Variants in NUP188 observed in about 807,000 individuals in gnomAD.
NUP188 encodes nucleoporin NUP188.
In NUP188, 97 loss-of-function variants were observed where a neutral mutation model predicts 223.0. The observed-to-expected ratio is 0.43, with a 90% CI of 0.37 to 0.51. The LOEUF (loss-of-function observed/expected upper bound fraction) is 0.51, where lower values mean the gene tolerates loss of function less well. Ranked by LOEUF, NUP188 falls within the 20% of genes least tolerant of loss-of-function variation. The pLI is 0.00. For synonymous variants in NUP188, 869 were observed against 828.0 expected, an observed-to-expected ratio of 1.05 and a Z score of -0.85; for missense variants, 1,947 against 2,175.6, an observed-to-expected ratio of 0.89 and a Z score of 2.09.
At chr9:128,956,314 T>G in intron 3 of NUP188, 36 bp from the exon 4 acceptor site, 2 of 1,298,814 alleles carry the variant, frequency 1.5e-6, no homozygotes, top group Non-Finnish European at 2.1e-6. Flanking sequence ...AGTGGGCTAT[T>G]GAGAATGAAG....
At chr9:128,994,518 T>C in intron 28 of NUP188, 76 bp downstream of exon 28, 1 of 935,230 alleles carries the variant, frequency 1.1e-6, no homozygotes, top group South Asian at 1.4e-5. Context: ...GATGGGGCCG[T>C]AGACAATGAT....
rs771627788 is a variant in NUP188, at chr9:128,982,908, T to G, written c.1676T>G (p.Ile559Ser). Residue 559 changes from isoleucine to serine, a missense_variant, in exon 17 of 44, where the codon ATT becomes AGT. Ile to Ser is a moderately radical substitution (Grantham distance 142). Transcript: ENST00000372577. ...LLHVVSTADV[I>S]QHCQRVKPII... ...AGGCTGTCTTTCTTCTCAGATGTGATTCAGCACTGCCAGCGAGTCAAACCC... is the reference window on the plus strand; with the variant it reads ...AGGCTGTCTTTCTTCTCAGATGTGAGTCAGCACTGCCAGCGAGTCAAACCC... 1.3e-4 allele frequency: 203 copies of G among 1,614,064 alleles called. No homozygotes were observed. The highest frequency in any genetic ancestry group is 1.6e-4 in the Non-Finnish European group (194 of 1,180,026).
At chr9:128,979,368 G>A in intron 13 of NUP188, 41 bp downstream of exon 13, 1 of 1,420,982 alleles carries the variant, frequency 7.0e-7, no homozygotes, top group Non-Finnish European at 9.9e-7. Flanking sequence ...CAAAAGAATT[G>A]TTCAAACACT....
rs547573871 is a variant in NUP188, at chr9:129,003,602, G to C, written c.4434+148G>C. The C allele has an allele frequency of 6.3e-5, 57 of 905,304 alleles. No homozygotes were observed. In the Admixed American group the frequency reaches 8.8e-4, roughly 14 times the overall value. The allele number at this position is 905,304 out of a possible 1,614,324, so 56.1% of individuals were successfully genotyped here. ...GGGAGCACAGGGTTTGCTGTCATGT[G>C]CTTACTCTGGCTAAATGTTTCCTTC... On this transcript the variant is annotated intron_variant, in intron 38 of 43. Coordinates refer to ENST00000372577, the MANE Select transcript of NUP188 (RefSeq NM_015354.3).
Position 128,994,838 on chromosome 9 carries a change from G to C in NUP188, c.3088-18G>C, listed in dbSNP as rs1309956793. On this transcript the variant is annotated intron_variant, in intron 28 of 43. Transcript: ENST00000372577. ...GTGATCAGAGATGTGATAATTGCCTGTTCTGCTATCTCCACAGCCCAGCAT... is the reference window on the plus strand; with the variant it reads ...GTGATCAGAGATGTGATAATTGCCTCTTCTGCTATCTCCACAGCCCAGCAT... 1 of 1,608,688 alleles carries C rather than the reference G, an allele frequency of 6.2e-7. No individual in the cohort carries two copies. The highest frequency in any genetic ancestry group is 8.5e-7 in the Non-Finnish European group (1 of 1,175,234).
chr9:128,982,289 G>A (rs934084953), intron 15 of NUP188, among the ~76,000 whole-genome samples: 1 of 151,964 alleles, frequency 6.6e-6, no homozygotes, highest in Non-Finnish European at 1.5e-5. Flanking sequence ...AATTAGCCAG[G>A]AGTGGTGGTG....
chr9:128,973,240 C>A lies in NUP188; in HGVS notation c.1194C>A (p.Gly398=), dbSNP rs770890931. 3 of 1,612,522 alleles carry A rather than the reference C, an allele frequency of 1.9e-6. No individual in the cohort carries two copies. Among genetic ancestry groups the A allele is most frequent in the Non-Finnish European group, 2.5e-6 (3 of 1,179,596 alleles). ...CCTCGTTGGAGCTGCACACCCTGGGCAATCAGCAGGTCAGTGTCTGGCTTT... is the reference window on the plus strand; with the variant it reads ...CCTCGTTGGAGCTGCACACCCTGGGAAATCAGCAGGTCAGTGTCTGGCTTT... ...VLTSLELHTL[G]NQQDIIDTAC... The change falls in exon 12 of 44, where the codon GGC becomes GGA. Residue 398 remains glycine, a synonymous_variant. Coordinates refer to ENST00000372577, the MANE Select transcript of NUP188 (RefSeq NM_015354.3).
chr9:128,991,162 C>CTTTTTTTTTTTT (rs78549616), intron 25 of NUP188, among the ~76,000 whole-genome samples: 3 of 123,480 alleles, frequency 2.4e-5, no homozygotes, highest in African/African-American at 3.0e-5. Context: ...CTCCAGATTT[C>CTTTTTTTTTTTT]TTTTTTTTTT....
intron 1 of NUP188, chr9:128,947,982 C>T: frequency 2.6e-6 from 1 of 390,356 alleles, no homozygotes; most frequent in Admixed American, 4.4e-5. Flanking sequence ...CCTCCGCGCT[C>T]GGCCTCCCAT....
chr9:128,950,239 G>T (rs560211650), intron 2 of NUP188, among the ~76,000 whole-genome samples: 30 of 151,682 alleles, frequency 2.0e-4, no homozygotes, highest in South Asian at 8.3e-4. Context: ...TTTTGTTGTT[G>T]TTGAGACAGA....
At chr9:128,989,583 T>C (rs938350234) in intron 24 of NUP188, among the ~76,000 whole-genome samples, 149 of 150,534 alleles carry the variant, frequency 9.9e-4, no homozygotes, top group Non-Finnish European at 3.1e-4. Context: ...CCTGTAATCC[T>C]AGCACTTTGG....
intron 11 of NUP188, among the ~76,000 whole-genome samples, chr9:128,972,581 C>T (rs1842118479): frequency 6.6e-6 from 1 of 152,086 alleles, no homozygotes; most frequent in Non-Finnish European, 1.5e-5. Context: ...AAGAGTGACC[C>T]TTAGTGTAAA....
At chr9:128,971,042 G>C in intron 11 of NUP188, 84 bp downstream of exon 11, 2 of 1,041,332 alleles carry the variant, frequency 1.9e-6, no homozygotes, top group Non-Finnish European at 3.0e-6. Context: ...TGGTGGTGTG[G>C]ATAATGGGAT....
rs1193631566 is a variant in NUP188 at position 128,984,124 on chromosome 9, A to ATTTTTTTTTTTTT, written c.1961+581_1961+593dup. On this transcript the variant is annotated intron_variant, in intron 19 of 43. Transcript: ENST00000372577. ...GGCGTGAGCCACCGCGCCTGGCCTG[A>ATTTTTTTTTTTTT]TTTTTTTTTTTTTTTTTTTGAGATG... Among the ~76,000 whole-genome samples, 90 of 93,048 alleles carry ATTTTTTTTTTTTT rather than the reference A, an allele frequency of 9.7e-4. 17 individuals carry two copies. Among genetic ancestry groups the ATTTTTTTTTTTTT allele is most frequent in the African/African-American group, 5.0e-3 (85 of 16,966 alleles). The allele number at this position is 93,048 out of a possible 152,430, so 61.0% of individuals were successfully genotyped here.
At chr9:128,991,791 C>T (rs1394752444) in intron 25 of NUP188, among the ~76,000 whole-genome samples, 2 of 134,702 alleles carry the variant, frequency 1.5e-5, no homozygotes, top group Non-Finnish European at 3.1e-5. Flanking sequence ...TGCAGTGAGC[C>T]GAGTTCACAC....
intron 1 of NUP188, 91 bp from the exon 2 acceptor site, chr9:128,949,096 TGC>T: frequency 2.5e-6 from 2 of 810,026 alleles, no homozygotes; most frequent in Admixed American, 2.5e-5. Flanking sequence ...TGAGATTTTT[TGC>T]TTTTAGAGAG....
At chr9:128,948,760 C>T (rs1186613033) in intron 1 of NUP188, 1 of 113,944 alleles carries the variant, frequency 8.8e-6, no homozygotes, top group African/African-American at 3.2e-5. Flanking sequence ...GAGTCTCGCT[C>T]TGTCGCCCAG....
chr9:128,999,684 A>T lies in NUP188; in HGVS notation c.3722A>T (p.Glu1241Val). The change falls in exon 34 of 44, where the codon GAA becomes GTA. Residue 1241 changes from glutamate (E) to valine (V), a missense_variant. Glu to Val is a moderately radical substitution (Grantham distance 121). Transcript: ENST00000372577. The part of the protein sequence containing the change: ...VLNVCETLQE[E>V]VIALFDQTRH... ...AATGTCTGTGAGACCCTCCAAGAGG[A>T]AGTGATTGCACTCTTCGACCAGACC... 1 of 1,614,112 alleles carries T rather than the reference A, an allele frequency of 6.2e-7. No homozygotes were observed. Among genetic ancestry groups the T allele is most frequent in the Non-Finnish European group, 8.5e-7 (1 of 1,180,020 alleles).
At chr9:128,952,599 T>G (rs1841807318) in intron 2 of NUP188, among the ~76,000 whole-genome samples, 174 bp from the exon 3 acceptor site, 1 of 151,654 alleles carries the variant, frequency 6.6e-6, no homozygotes, top group Non-Finnish European at 1.5e-5. Flanking sequence ...GGCTGGCACC[T>G]GTAATTCCAG....
Sources: gnomAD v4.1 joint callset for allele counts (sites outside exome capture counted in the v4.1 genomes callset) on GRCh38, gnomAD v4.1.1 for gene constraint, MANE v1.5 for transcripts, NCBI Gene and HGNC (gene_info 2026-07-23, HGNC 2026-07-21) for gene names.